Variants in CLIP2 observed in about 807,000 individuals in gnomAD.
CLIP2 encodes the protein CAP-Gly domain-containing linker protein 2.
CLIP2 carries 41 observed loss-of-function variants against 111.7 expected under a neutral mutation model. The observed-to-expected ratio is 0.37, with a 90% CI of 0.29 to 0.48. The LOEUF (loss-of-function observed/expected upper bound fraction) is 0.48, where lower values mean the gene tolerates loss of function less well. CLIP2 is among the 20% of genes least tolerant of loss of function. The probability of loss-of-function intolerance (pLI) is 0.99; values close to 1 mark genes in which losing one functional copy is unlikely to be tolerated. For synonymous variants in CLIP2, 660 were observed against 644.2 expected, an observed-to-expected ratio of 1.02 and a Z score of -0.37; for missense variants, 1,160 against 1,422.1, an observed-to-expected ratio of 0.82 and a Z score of 2.96.
chr7:74,350,350 CCT>C lies in CLIP2; in HGVS notation c.679-3529_679-3528del, dbSNP rs577228107. 7.2e-3 allele frequency among the ~76,000 whole-genome samples: 1,102 copies of C among 152,124 alleles called. 6 individuals carry two copies. Among genetic ancestry groups the C allele is most frequent in the Non-Finnish European group, 0.011 (725 of 67,974 alleles). On this transcript the variant is annotated intron_variant, in intron 3 of 16. Coordinates refer to ENST00000223398, the MANE Select transcript of CLIP2 (RefSeq NM_003388.5). ...TACAGGTTTGAGCCACTGTTCCTGG[CCT>C]GTATGTTTATTTTTTATTGTTGTAT...
At chr7:74,348,995 T>TA (rs1281594698) in intron 3 of CLIP2, among the ~76,000 whole-genome samples, 2 of 150,444 alleles carry the variant, frequency 1.3e-5, no homozygotes, top group Non-Finnish European at 3.0e-5. Flanking sequence ...AGAAAAAATT[T>TA]AAAAAAATCT....
chr7:74,323,329 C>T (rs1452717104), intron 2 of CLIP2, among the ~76,000 whole-genome samples: 6 of 151,912 alleles, frequency 3.9e-5, no homozygotes, highest in Non-Finnish European at 8.8e-5. Flanking sequence ...CCTCATTGGT[C>T]ATGAACTCTT....
intron 10 of CLIP2, among the ~76,000 whole-genome samples, chr7:74,378,510 C>T (rs1790859720): frequency 6.6e-6 from 1 of 152,038 alleles, no homozygotes; most frequent in South Asian, 2.1e-4. Flanking sequence ...GAGGCTGAGG[C>T]AGGAGGATTG....
At chr7:74,357,546 C>T (rs571846937) in intron 6 of CLIP2, 69 bp downstream of exon 6, 9 of 1,443,204 alleles carry the variant, frequency 6.2e-6, no homozygotes, top group African/African-American at 2.8e-5. Flanking sequence ...CCACTCAGAG[C>T]GGAGACCCTG....
intron 1 of CLIP2, among the ~76,000 whole-genome samples, chr7:74,306,499 C>T (rs893048277): frequency 2.0e-5 from 3 of 152,168 alleles, no homozygotes; most frequent in Admixed American, 6.5e-5. Context: ...GAGGCTGGCC[C>T]GCCAAACCAA....
chr7:74,359,515 A>G lies in CLIP2; in HGVS notation c.1216-660A>G, dbSNP rs534635534. On this transcript the variant is annotated intron_variant, in intron 6 of 16. Transcript: ENST00000223398. ...ACTACAGGAGCCCACCACCACGCCC[A>G]GCTAATGTTTTTTGTATTTTTAGTA... 5.6e-4 allele frequency among the ~76,000 whole-genome samples: 85 copies of G among 151,146 alleles called. 1 individual carries two copies. In the East Asian group the frequency reaches 6.6e-3, roughly 12 times the overall value.
intron 12 of CLIP2, chr7:74,388,807 A>C (rs1475669637): frequency 4.1e-5 from 9 of 220,828 alleles, no homozygotes; most frequent in African/African-American, 2.1e-4. Context: ...AAAAAAAAAA[A>C]CCGCCAGGTA....
intron 7 of CLIP2, among the ~76,000 whole-genome samples, chr7:74,362,760 C>T (rs2116622910): frequency 6.6e-6 from 1 of 152,026 alleles, no homozygotes; most frequent in Non-Finnish European, 1.5e-5. Flanking sequence ...GTCTTGAACT[C>T]CTGGACTCAA....
chr7:74,361,219 C>A (rs1162635044), intron 7 of CLIP2, among the ~76,000 whole-genome samples: 2 of 136,272 alleles, frequency 1.5e-5, no homozygotes, highest in African/African-American at 5.4e-5. Flanking sequence ...CTCCCTCCCT[C>A]CCTTTTTCTT....
In CLIP2 at chr7:74,357,280, C is replaced by T; in HGVS notation, c.1018C>T (p.Leu340Phe). Residue 340 changes from leucine (L) to phenylalanine (F), a missense_variant and splice_region_variant, in exon 6 of 17, where the codon CTC (leucine) becomes TTC (phenylalanine). Around this residue, in one of 5 missense-constraint regions of CLIP2, gnomAD observed 110 missense variants for 185.2 expected, o/e 0.59. Coordinates refer to ENST00000223398, the MANE Select transcript of CLIP2 (RefSeq NM_003388.5). ...CGCCTGCATCCACACCTTCCTGCAG[C>T]TCACGGAGACCTCTTCACGCTACGC... ...VGGRPSRSGL[L>F]TETSSRYARK... 1 of 1,613,878 alleles carries T rather than the reference C, an allele frequency of 6.2e-7. No individual in the cohort carries two copies.
In CLIP2 at chr7:74,372,511, G is replaced by A. The variant is rs116755059; in HGVS notation, c.1381-421G>A. 6.0e-3 allele frequency among the ~76,000 whole-genome samples: 914 copies of A among 151,904 alleles called. 8 individuals carry two copies. Among genetic ancestry groups the A allele is most frequent in the African/African-American group, 0.021 (862 of 41,396 alleles). ...GCCTACAACCAGTGACAGCCTGCAGGGGAACGGGAACAGGATGGGCCCCTC... is the reference window on the plus strand; with the variant it reads ...GCCTACAACCAGTGACAGCCTGCAGAGGAACGGGAACAGGATGGGCCCCTC... On this transcript the variant is annotated intron_variant, in intron 8 of 16. Transcript: ENST00000223398.
intron 12 of CLIP2, among the ~76,000 whole-genome samples, chr7:74,387,225 T>G (rs1373354275): frequency 6.6e-6 from 1 of 151,900 alleles, no homozygotes; most frequent in Non-Finnish European, 1.5e-5. Flanking sequence ...TCCTGAAGAC[T>G]TTCTGGTTTC....
At chr7:74,397,327 T>A in intron 14 of CLIP2, 94 bp downstream of exon 14, 1 of 1,301,778 alleles carries the variant, frequency 7.7e-7, no homozygotes, top group Non-Finnish European at 1.1e-6. Context: ...GGAGACCTCC[T>A]GGAATGACCC....
chr7:74,388,947 C>A, intron 12 of CLIP2, 156 bp from the exon 13 acceptor site: 1 of 825,758 alleles, frequency 1.2e-6, no homozygotes, highest in South Asian at 1.9e-5. Context: ...CAGAGCCAGA[C>A]CCAATCTCTA....
chr7:74,304,845 T>G (rs1242219255), intron 1 of CLIP2, among the ~76,000 whole-genome samples: 1 of 151,882 alleles, frequency 6.6e-6, no homozygotes, highest in African/African-American at 2.4e-5. Context: ...CTCGGGAGGC[T>G]AAGGAAGGAG....
intron 1 of CLIP2, among the ~76,000 whole-genome samples, chr7:74,302,062 G>A (rs1788353239): frequency 6.6e-6 from 1 of 152,174 alleles, no homozygotes; most frequent in African/African-American, 2.4e-5. Context: ...TTTCAGCGTT[G>A]GACCTTTTTT....
At chr7:74,304,248 C>G (rs1051658149) in intron 1 of CLIP2, among the ~76,000 whole-genome samples, 3 of 151,624 alleles carry the variant, frequency 2.0e-5, no homozygotes, top group Non-Finnish European at 4.4e-5. Flanking sequence ...ATTAAGAAGC[C>G]GGGCATGGTG....
chr7:74,386,071 C>G (rs138578316), intron 11 of CLIP2, among the ~76,000 whole-genome samples: 1 of 126,864 alleles, frequency 7.9e-6, no homozygotes, highest in Non-Finnish European at 1.6e-5. Flanking sequence ...TTTTTGAGAC[C>G]GAGTCTCGCT....
At chr7:74,325,644 C>T (rs1413847497) in intron 2 of CLIP2, among the ~76,000 whole-genome samples, 1 of 152,066 alleles carries the variant, frequency 6.6e-6, no homozygotes, top group Non-Finnish European at 1.5e-5. Flanking sequence ...CCAGCCTGGC[C>T]AACATGGTGA....
Sources: allele counts gnomAD v4.1 joint callset (sites outside exome capture counted in the v4.1 genomes callset), GRCh38; gene constraint gnomAD v4.1.1; regional missense constraint gnomAD v4.1.1; transcripts MANE v1.5; gene names NCBI Gene and HGNC (gene_info 2026-07-23, HGNC 2026-07-21).